SLC26A3: variants seen among roughly 807,000 people sequenced by gnomAD.
The protein encoded by SLC26A3 is chloride anion exchanger.
In SLC26A3, 64 loss-of-function variants were observed where a neutral mutation model predicts 85.6. The observed-to-expected ratio is 0.75, with a 90% CI of 0.61 to 0.92. The LOEUF (loss-of-function observed/expected upper bound fraction) is 0.92. Ranked by LOEUF, SLC26A3 falls within the 40% of genes least tolerant of loss-of-function variation. SLC26A3 has a pLI of 0.00. For synonymous variants in SLC26A3, 349 were observed against 336.0 expected, an observed-to-expected ratio of 1.04 and a Z score of -0.42; for missense variants, 922 against 927.3, an observed-to-expected ratio of 0.99 and a Z score of 0.07.
At chr7:107,797,740 C>CTTTTTTTTTTTTTTTTTTTTTTTT (rs375903590) in intron 1 of SLC26A3, among the ~76,000 whole-genome samples, 1 of 127,446 alleles carries the variant, frequency 7.8e-6, no homozygotes, top group African/African-American at 3.3e-5. Context: ...TGAGCAGGAC[C>CTTTTTTTTTTTTTTTTTTTTTTTT]TTTTTTTTTT....
rs779867849 is a variant in SLC26A3, at chr7:107,765,928, T to C, written c.2272-50A>G. 4 of 1,531,672 alleles carry C rather than the reference T, an allele frequency of 2.6e-6. No homozygotes were observed. In the South Asian group the frequency reaches 4.5e-5, roughly 17 times the overall value. 94.9% of individuals were successfully genotyped at this position (1,531,672 alleles called of 1,614,324 possible). ...TTTTAAAATACTCGTCAAGTTCTGT[T>C]ACAATAATCACATCTTAGGAGCTAG... On this transcript the variant is annotated intron_variant, in intron 20 of 20. Transcript: ENST00000340010.
intron 1 of SLC26A3, among the ~76,000 whole-genome samples, chr7:107,800,787 G>T (rs547400438): frequency 2.0e-5 from 3 of 152,240 alleles, no homozygotes; most frequent in African/African-American, 7.2e-5. Context: ...TTGGAAGAAG[G>T]GATGTAAATG....
chr7:107,797,631 G>A (rs1794531239), intron 1 of SLC26A3, among the ~76,000 whole-genome samples: 1 of 152,070 alleles, frequency 6.6e-6, no homozygotes, highest in Non-Finnish European at 1.5e-5. Flanking sequence ...ATACAATGTG[G>A]GCCTCTGAAT....
At chr7:107,782,664 A>G in intron 11 of SLC26A3, 133 bp downstream of exon 11, 1 of 890,928 alleles carries the variant, frequency 1.1e-6, no homozygotes, top group South Asian at 1.4e-5. Context: ...CATACAGAGT[A>G]TTGGCTAAGA....
At chr7:107,783,885 C>A (rs931378487) in intron 8 of SLC26A3, among the ~76,000 whole-genome samples, 5 of 152,196 alleles carry the variant, frequency 3.3e-5, no homozygotes, top group Middle Eastern at 3.2e-3. Context: ...ACAACCATGA[C>A]CCTAATGGAG....
chr7:107,790,723 C>G lies in SLC26A3; in HGVS notation c.570+325G>C, dbSNP rs189216642. Reference sequence around the variant, plus strand: ...TTGTATACAGTTATGTTTCTTGACTCTATCAATTCCCAGATATGCTGTTTC... The same window carrying G: ...TTGTATACAGTTATGTTTCTTGACTGTATCAATTCCCAGATATGCTGTTTC... On this transcript the variant is annotated intron_variant, in intron 5 of 20. Coordinates refer to ENST00000340010, the MANE Select transcript of SLC26A3 (RefSeq NM_000111.3). Among the ~76,000 whole-genome samples the G allele has an allele frequency of 4.5e-3, 682 of 152,304 alleles. 2 individuals carry two copies. Among genetic ancestry groups the G allele is most frequent in the African/African-American group, 0.016 (662 of 41,566 alleles).
At chr7:107,794,782 T>G (rs1487622542) in intron 1 of SLC26A3, among the ~76,000 whole-genome samples, 185 bp from the exon 2 acceptor site, 4 of 152,210 alleles carry the variant, frequency 2.6e-5, no homozygotes, top group African/African-American at 9.7e-5. Context: ...CTCTTTTAGG[T>G]AAGTAAACAA....
intron 1 of SLC26A3, among the ~76,000 whole-genome samples, chr7:107,802,742 C>CTTTTTTT (rs35087147): frequency 0.012 from 1,353 of 110,684 alleles, 52 homozygotes; most frequent in African/African-American, 0.044. Context: ...TTAAAGCTTG[C>CTTTTTTT]TTTTTTTTTT....
At chr7:107,792,719 C>A (rs1794424219) in intron 3 of SLC26A3, among the ~76,000 whole-genome samples, 1 of 152,002 alleles carries the variant, frequency 6.6e-6, no homozygotes, top group Non-Finnish European at 1.5e-5. Flanking sequence ...GGCATAAGCA[C>A]CCAATGAAAA....
At chr7:107,767,691 A>G in intron 19 of SLC26A3, 47 bp from the exon 20 acceptor site, 1 of 1,603,504 alleles carries the variant, frequency 6.2e-7, no homozygotes, top group Non-Finnish European at 8.5e-7. Flanking sequence ...GATTTTTTTT[A>G]ATGTTGAAAA....
intron 8 of SLC26A3, among the ~76,000 whole-genome samples, chr7:107,784,352 G>A (rs897773509): frequency 6.6e-6 from 1 of 152,184 alleles, no homozygotes; most frequent in Non-Finnish European, 1.5e-5. Flanking sequence ...ATGTGATGAA[G>A]ATTTACAGTC....
intron 3 of SLC26A3, 72 bp from the exon 4 acceptor site, chr7:107,792,012 T>C (rs1349683290): frequency 2.2e-6 from 2 of 923,454 alleles, no homozygotes; most frequent in South Asian, 1.3e-5. Context: ...TTGGTTCTTA[T>C]GGTATTTAGA....
At chr7:107,792,177 T>A (rs989915994) in intron 3 of SLC26A3, among the ~76,000 whole-genome samples, 1 of 152,190 alleles carries the variant, frequency 6.6e-6, no homozygotes, top group Non-Finnish European at 1.5e-5. Flanking sequence ...ACCTATGGCA[T>A]AAGCCAGCAG....
intron 20 of SLC26A3, 93 bp from the exon 21 acceptor site, chr7:107,765,971 A>T: frequency 2.7e-6 from 3 of 1,108,442 alleles, no homozygotes; most frequent in African/African-American, 1.6e-5. Context: ...CAGAGTTAAC[A>T]GGTTTTTTTT....
chr7:107,770,115 CTTCT>C (rs1372987807), intron 18 of SLC26A3, among the ~76,000 whole-genome samples: 8 of 91,172 alleles, frequency 8.8e-5, no homozygotes, highest in Non-Finnish European at 1.2e-4. Flanking sequence ...TTTCTTCTTT[CTTCT>C]TTCTCTTTCT....
At position 107,793,849 on chromosome 7, in the gene SLC26A3, A is replaced by C. The variant is rs1794447959; in HGVS notation, c.164T>G (p.Leu55Arg). 3.1e-6 allele frequency: 5 copies of C among 1,614,000 alleles called. No individual in the cohort carries two copies. The highest frequency in any genetic ancestry group is 1.3e-5 in the African/African-American group (1 of 74,912). ...CSPQKAKRIV[L>R]SLFPIASWLP... ...CCAAGATGCTATGGGGAACAAAGAG[A>C]GGACAATTCTCTTGGCCTTTTGTGG... The change falls in exon 3 of 21, where the codon CTC becomes CGC. Residue 55 changes from leucine to arginine, a missense_variant. Transcript: ENST00000340010.
chr7:107,770,813 C>G (rs1412821947), intron 18 of SLC26A3, among the ~76,000 whole-genome samples: 1 of 152,082 alleles, frequency 6.6e-6, no homozygotes, highest in African/African-American at 2.4e-5. Context: ...AATACCTGCC[C>G]TGGAAGAGAT....
chr7:107,787,184 A>G (rs764036578), intron 7 of SLC26A3, among the ~76,000 whole-genome samples, 173 bp downstream of exon 7: 3 of 152,220 alleles, frequency 2.0e-5, no homozygotes, highest in Admixed American at 6.5e-5. Context: ...ACTCAAAATC[A>G]TAAGAGGAAG....
intron 13 of SLC26A3, among the ~76,000 whole-genome samples, chr7:107,777,320 C>T (rs960300628): frequency 5.3e-5 from 8 of 152,106 alleles, no homozygotes; most frequent in East Asian, 1.9e-4. Flanking sequence ...CAAGGCTGGT[C>T]GCCATGGCTC....
Sources: gnomAD v4.1 joint callset for allele counts (sites outside exome capture counted in the v4.1 genomes callset) on GRCh38, gnomAD v4.1.1 for gene constraint, MANE v1.5 for transcripts, NCBI Gene and HGNC (gene_info 2026-07-23, HGNC 2026-07-21) for gene names.